MED9: variants seen among roughly 807,000 people sequenced by gnomAD.
MED9 encodes the protein mediator complex subunit 9.
A neutral mutation model predicts 13.2 loss-of-function variants in MED9; 8 were observed. That is an observed-to-expected ratio of 0.61 (90% CI 0.36 to 1.10). The LOEUF is 1.10. Ranked by LOEUF, MED9 falls within the 50% of genes least tolerant of loss-of-function variation. The pLI, the probability that MED9 is intolerant of heterozygous loss-of-function variation, is 0.02. For missense variants in MED9, 180 were observed against 193.4 expected, an observed-to-expected ratio of 0.93 and a Z score of 0.41; for synonymous variants, 87 against 82.8, an observed-to-expected ratio of 1.05 and a Z score of -0.28.
At chr17:17,485,105 C>G in intron 1 of MED9, 1 of 313,888 alleles carries the variant, frequency 3.2e-6, no homozygotes, top group Non-Finnish European at 5.7e-6. Context: ...CCCAGGTTCA[C>G]TTGAATCACT....
At chr17:17,479,256 C>T (rs1904984995) in intron 1 of MED9, among the ~76,000 whole-genome samples, 1 of 152,060 alleles carries the variant, frequency 6.6e-6, no homozygotes, top group African/African-American at 2.4e-5. Context: ...CCTAACCTTT[C>T]TAGGCCATAA....
intron 1 of MED9, among the ~76,000 whole-genome samples, chr17:17,490,479 G>GT (rs1444573301): frequency 2.6e-5 from 4 of 152,132 alleles, no homozygotes; most frequent in Non-Finnish European, 5.9e-5. Flanking sequence ...CTGCCAGGCT[G>GT]TTTTTTTGAT....
chr17:17,484,019 C>T (rs1292182229), intron 1 of MED9, among the ~76,000 whole-genome samples: 2 of 151,608 alleles, frequency 1.3e-5, no homozygotes, highest in Admixed American at 6.6e-5. Context: ...AACTTTGAGA[C>T]TTTCTTGATA....
chr17:17,491,259 C>T lies in MED9; in HGVS notation c.225-20C>T. 6.2e-7 allele frequency: 1 copy of T among 1,600,990 alleles called. No homozygotes were observed. Among genetic ancestry groups the T allele is most frequent in the Non-Finnish European group, 8.5e-7 (1 of 1,169,798 alleles). ...ACGTGTATCAAGCTGTGAATGCTAACAGCTGTTCTTCCCCCACAGCATGGA... is the reference window on the plus strand; with the variant it reads ...ACGTGTATCAAGCTGTGAATGCTAATAGCTGTTCTTCCCCCACAGCATGGA... On this transcript the variant is annotated intron_variant, in intron 1 of 1. Coordinates refer to ENST00000268711, the MANE Select transcript of MED9 (RefSeq NM_018019.3).
Position 17,491,781 on chromosome 17 carries a change from G to C in MED9, c.*286G>C. ...TCCTGGAGGCTGCAGAGGGGGTGGA[G>C]GACTCTCCCCTGCCTCTGGGGAGGG... On this transcript the variant is annotated 3_prime_UTR_variant, in exon 2 of 2. Transcript: ENST00000268711. 4.7e-6 allele frequency: 2 copies of C among 422,698 alleles called. No individual in the cohort carries two copies. The highest frequency in any genetic ancestry group is 4.4e-5 in the South Asian group (2 of 45,470). The allele number at this position is 422,698 out of a possible 1,614,324, so 26.2% of individuals were successfully genotyped here.
chr17:17,481,090 G>A (rs1255149238), intron 1 of MED9, among the ~76,000 whole-genome samples: 1 of 152,328 alleles, frequency 6.6e-6, no homozygotes, highest in Admixed American at 6.5e-5. Flanking sequence ...AGAGGTGGCT[G>A]GGGAGGAGGG....
At chr17:17,486,599 G>T in intron 1 of MED9, 1 of 155,974 alleles carries the variant, frequency 6.4e-6, no homozygotes, top group Non-Finnish European at 1.4e-5. Context: ...GCGCAGCAGG[G>T]CTCGGGACCT....
chr17:17,491,227 C>T (rs377026520), intron 1 of MED9, 52 bp from the exon 2 acceptor site: 68 of 1,528,798 alleles, frequency 4.4e-5, no homozygotes, highest in Non-Finnish European at 5.5e-5. Flanking sequence ...AGGGCAGGAA[C>T]GCCAAGACGT....
At chr17:17,486,976 G>C (rs1905143476) in intron 1 of MED9, 1 of 151,098 alleles carries the variant, frequency 6.6e-6, no homozygotes, top group Admixed American at 6.6e-5. Context: ...GTCTAGCTCA[G>C]GGATTGTAAA....
chr17:17,485,139 A>T, intron 1 of MED9: 1 of 337,724 alleles, frequency 3.0e-6, no homozygotes, highest in Non-Finnish European at 5.3e-6. Flanking sequence ...TCAGCCTCCC[A>T]AGTAGCTGGG....
chr17:17,480,036 T>G (rs1262739493), intron 1 of MED9, among the ~76,000 whole-genome samples: 1 of 152,068 alleles, frequency 6.6e-6, no homozygotes, highest in Non-Finnish European at 1.5e-5. Flanking sequence ...CACAGTCCTG[T>G]CCCACCTCCC....
At position 17,491,588 on chromosome 17, in the gene MED9, AC is replaced by A; in HGVS notation, c.*97del. The A allele has an allele frequency of 2.5e-6, 3 of 1,217,664 alleles. No homozygotes were observed. The highest frequency in any genetic ancestry group is 1.3e-5 in the South Asian group (1 of 77,960). The allele number at this position is 1,217,664 out of a possible 1,614,324, so 75.4% of individuals were successfully genotyped here. On this transcript the variant is annotated 3_prime_UTR_variant, in exon 2 of 2. Coordinates refer to ENST00000268711, the MANE Select transcript of MED9 (RefSeq NM_018019.3). ...GCTCCTTGGGGCGTGGTTCCTGTGG[AC>A]CCCAGCTCAGCTCGTCAAGCTGCAG...
chr17:17,491,585 TG>T lies in MED9; in HGVS notation c.*92del. 8.0e-7 allele frequency: 1 copy of T among 1,250,676 alleles called. No individual in the cohort carries two copies. The highest frequency in any genetic ancestry group is 1.1e-6 in the Non-Finnish European group (1 of 875,446). The allele number at this position is 1,250,676 out of a possible 1,614,324, so 77.5% of individuals were successfully genotyped here. On this transcript the variant is annotated 3_prime_UTR_variant, in exon 2 of 2. Transcript: ENST00000268711. Reference sequence around the variant, plus strand: ...AACGCTCCTTGGGGCGTGGTTCCTGTGGACCCCAGCTCAGCTCGTCAAGCTG... The same window carrying T: ...AACGCTCCTTGGGGCGTGGTTCCTGTGACCCCAGCTCAGCTCGTCAAGCTG...
At position 17,491,511 on chromosome 17, in the gene MED9, C is replaced by T; in HGVS notation, c.*16C>T. On this transcript the variant is annotated 3_prime_UTR_variant, in exon 2 of 2. Transcript: ENST00000268711. ...CAAGGAGTAGAGTGAGGCTGACTTC[C>T]TTAGAAAGAGGGGGAAGCCAATGGC... is the stretch of plus-strand genomic sequence containing the variant. 1 of 1,595,370 alleles carries T rather than the reference C, an allele frequency of 6.3e-7. No individual in the cohort carries two copies.
At chr17:17,486,343 A>T (rs1293023549) in intron 1 of MED9, 1 of 152,540 alleles carries the variant, frequency 6.6e-6, no homozygotes, top group Non-Finnish European at 1.5e-5. Context: ...GCTTGCAGGG[A>T]GGTGTGGAGG....
At chr17:17,485,863 T>G (rs937719251) in intron 1 of MED9, 19 of 152,410 alleles carry the variant, frequency 1.2e-4, no homozygotes, top group African/African-American at 4.6e-4. Flanking sequence ...CTAAAAAGAA[T>G]ATTTTTTACA....
chr17:17,481,083 G>A (rs1206542490), intron 1 of MED9, among the ~76,000 whole-genome samples: 2 of 152,196 alleles, frequency 1.3e-5, no homozygotes, highest in African/African-American at 2.4e-5. Flanking sequence ...GGCAGGAAGA[G>A]GTGGCTGGGG....
At position 17,493,049 on chromosome 17, in the gene MED9, C is replaced by T. The variant is rs1333220816; in HGVS notation, c.*1554C>T. 1 of 152,190 alleles carries T rather than the reference C, an allele frequency of 6.6e-6. No homozygotes were observed. The highest frequency in any genetic ancestry group is 1.9e-4 in the East Asian group (1 of 5,194). 9.4% of individuals were successfully genotyped at this position (152,190 alleles called of 1,614,324 possible). A position where few individuals can be genotyped will look rare whatever the true frequency, so the allele number is the denominator to read the frequency against. On this transcript the variant is annotated 3_prime_UTR_variant, in exon 2 of 2. Transcript: ENST00000268711. ...TAAGGCTCTGACAGATACCACGAAA[C>T]ATGAAGCACGTGGAACTACAAGACC...
In MED9 at chr17:17,492,332, C is replaced by T. The variant is rs1456680560; in HGVS notation, c.*837C>T. ...AGAGGTCTTCAGGCGAACCGACCTT[C>T]CCCCTTCTGGCATTTCAGATTCCCC... On this transcript the variant is annotated 3_prime_UTR_variant, in exon 2 of 2. Coordinates refer to ENST00000268711, the MANE Select transcript of MED9 (RefSeq NM_018019.3). 1.3e-5 allele frequency: 2 copies of T among 152,334 alleles called. No individual in the cohort carries two copies. The highest frequency in any genetic ancestry group is 2.1e-4 in the South Asian group (1 of 4,834). The allele number at this position is 152,334 out of a possible 1,614,324, so 9.4% of individuals were successfully genotyped here.
Sources: allele counts gnomAD v4.1 joint callset (sites outside exome capture counted in the v4.1 genomes callset), GRCh38; gene constraint gnomAD v4.1.1; transcripts MANE v1.5; gene names NCBI Gene and HGNC (gene_info 2026-07-23, HGNC 2026-07-21).